RARB: variants seen among roughly 807,000 people sequenced by gnomAD.
RARB encodes HBV-activated protein.
In RARB, 17 loss-of-function variants were observed where a neutral mutation model predicts 51.9. The observed-to-expected ratio is 0.33, with a 90% confidence interval of 0.22 to 0.49. The LOEUF is 0.49. RARB is among the 20% of genes least tolerant of loss of function. The pLI is 0.99. For synonymous variants in RARB, 215 were observed against 195.4 expected (o/e 1.10, Z -0.84); for missense variants, 369 against 550.8 (o/e 0.67, Z 3.30).
intron 3 of RARB, among the ~76,000 whole-genome samples, chr3:25,532,736 G>A (rs1453925937): frequency 1.3e-5 from 2 of 152,178 alleles, no homozygotes; most frequent in African/African-American, 4.8e-5. Context: ...GCCCTAAAGA[G>A]GCTTCCTATA....
chr3:24,988,260 A>G (rs1696836363), intron 2 of RARB, among the ~76,000 whole-genome samples: 2 of 152,204 alleles, frequency 1.3e-5, no homozygotes, highest in African/African-American at 4.8e-5. Flanking sequence ...ACTTAAAGTA[A>G]AAGCCATGCT....
intron 2 of RARB, among the ~76,000 whole-genome samples, chr3:25,005,630 C>T (rs1697254883): frequency 6.6e-6 from 1 of 152,130 alleles, no homozygotes; most frequent in African/African-American, 2.4e-5. Context: ...AAGCCACAAA[C>T]CGTCATCTCC....
At chr3:25,492,575 G>C (rs1575455950) in intron 2 of RARB, among the ~76,000 whole-genome samples, 1 of 152,208 alleles carries the variant, frequency 6.6e-6, no homozygotes, top group African/African-American at 2.4e-5. Context: ...AAAGGATTGA[G>C]AGCTGTGGTC....
chr3:25,169,222 G>T (rs908129970), intron 4 of RARB, among the ~76,000 whole-genome samples: 1 of 152,086 alleles, frequency 6.6e-6, no homozygotes, highest in Admixed American at 6.5e-5. Flanking sequence ...ACTGAAAAAA[G>T]CCAGTAAAGA....
chr3:25,398,767 A>G (rs1027136237), intron 5 of RARB, among the ~76,000 whole-genome samples: 1 of 152,246 alleles, frequency 6.6e-6, no homozygotes, highest in Non-Finnish European at 1.5e-5. Flanking sequence ...ATATTATAAA[A>G]TTGTATTAAA....
chr3:25,145,850 AT>A (rs967355040), intron 4 of RARB, among the ~76,000 whole-genome samples: 1 of 141,090 alleles, frequency 7.1e-6, no homozygotes, highest in Non-Finnish European at 1.6e-5. Flanking sequence ...ACAAAAAAAA[AT>A]ATTAACCAGG....
chr3:24,892,127 C>T (rs1048180677), intron 2 of RARB, among the ~76,000 whole-genome samples: 2 of 151,450 alleles, frequency 1.3e-5, no homozygotes, highest in Non-Finnish European at 2.9e-5. Flanking sequence ...CCAAAAGTAG[C>T]CAGATGAAGG....
At chr3:25,398,947 A>G (rs888662475) in intron 5 of RARB, among the ~76,000 whole-genome samples, 2 of 152,188 alleles carry the variant, frequency 1.3e-5, no homozygotes, top group African/African-American at 4.8e-5. Context: ...TTTACTGCCC[A>G]TTTTGCTGAT....
chr3:25,094,716 CAAAAAA>C (rs57477720), intron 3 of RARB, among the ~76,000 whole-genome samples: 52 of 43,114 alleles, frequency 1.2e-3, no homozygotes, highest in South Asian at 5.1e-3. Context: ...GACCCCATCT[CAAAAAA>C]AAAAAAAAAA....
chr3:24,830,473 C>T (rs1180456718), intron 1 of RARB, among the ~76,000 whole-genome samples: 3 of 137,166 alleles, frequency 2.2e-5, no homozygotes, highest in Non-Finnish European at 3.1e-5. Context: ...TAAGGATGCT[C>T]GGGTGCTGGA....
intron 2 of RARB, among the ~76,000 whole-genome samples, chr3:24,959,594 C>T (rs1378058159): frequency 6.6e-6 from 1 of 152,200 alleles, no homozygotes. Context: ...TCACATGGGG[C>T]TGAGGTTCCA....
intron 5 of RARB, among the ~76,000 whole-genome samples, chr3:25,261,202 G>A (rs1185113101): frequency 6.6e-6 from 1 of 152,050 alleles, no homozygotes; most frequent in Non-Finnish European, 1.5e-5. Context: ...CATCATTATT[G>A]TAGTTAGATG....
chr3:24,842,837 C>A (rs1253298706), intron 1 of RARB, among the ~76,000 whole-genome samples: 2 of 152,162 alleles, frequency 1.3e-5, no homozygotes, highest in Admixed American at 1.3e-4. Flanking sequence ...AACCATGAAA[C>A]CCAATATATT....
intron 3 of RARB, among the ~76,000 whole-genome samples, chr3:25,109,375 G>A (rs902517413): frequency 6.6e-6 from 1 of 151,968 alleles, no homozygotes; most frequent in Non-Finnish European, 1.5e-5. Context: ...CAGCATCTTT[G>A]GAACAAGCAG....
At chr3:24,877,787 A>T (rs888229421) in intron 2 of RARB, among the ~76,000 whole-genome samples, 3 of 152,198 alleles carry the variant, frequency 2.0e-5, no homozygotes, top group Non-Finnish European at 4.4e-5. Flanking sequence ...GGGCTTGTTA[A>T]TGAAATGATC....
chr3:25,284,926 A>G (rs1703613148), intron 5 of RARB, among the ~76,000 whole-genome samples: 1 of 152,214 alleles, frequency 6.6e-6, no homozygotes, highest in Non-Finnish European at 1.5e-5. Context: ...TCCTGGAAGC[A>G]ACAAGGGATG....
chr3:24,888,824 T>C (rs1215653844), intron 2 of RARB, among the ~76,000 whole-genome samples: 2 of 152,192 alleles, frequency 1.3e-5, no homozygotes, highest in Non-Finnish European at 2.9e-5. Context: ...TTCAGTCTTC[T>C]CCATAGGGTT....
At chr3:25,536,312 T>G (rs1462356459) in intron 3 of RARB, among the ~76,000 whole-genome samples, 3 of 152,226 alleles carry the variant, frequency 2.0e-5, no homozygotes, top group African/African-American at 7.2e-5. Flanking sequence ...TCCAGTCTAA[T>G]GCTAATAATA....
At chr3:25,036,374 C>G (rs1388394998) in intron 2 of RARB, among the ~76,000 whole-genome samples, 1 of 152,128 alleles carries the variant, frequency 6.6e-6, no homozygotes, top group African/African-American at 2.4e-5. Flanking sequence ...AATCCCAAAC[C>G]CTCTCCATTC....
Sources: gnomAD v4.1 joint callset for allele counts (sites outside exome capture counted in the v4.1 genomes callset) on GRCh38, gnomAD v4.1.1 for gene constraint, MANE v1.5 for transcripts, NCBI Gene and HGNC (gene_info 2026-07-23, HGNC 2026-07-21) for gene names.